MACROH2A1: variants seen among roughly 807,000 people sequenced by gnomAD.
MACROH2A1 encodes core histone macro-H2A.1.
Under a neutral mutation model 31.6 loss-of-function variants are expected in MACROH2A1, and 2 were observed. That is an observed-to-expected ratio of 0.06 (90% CI 0.03 to 0.20). The LOEUF (loss-of-function observed/expected upper bound fraction) is 0.20, where lower values mean the gene tolerates loss of function less well. Among genes scored for constraint, MACROH2A1 ranks in the 10% least tolerant of loss-of-function variants. The pLI, the probability that MACROH2A1 is intolerant of heterozygous loss-of-function variation, is 1.00. For missense variants in MACROH2A1, 230 were observed against 474.0 expected, an observed-to-expected ratio of 0.49 and a Z score of 4.78; for synonymous variants, 169 against 189.6, an observed-to-expected ratio of 0.89 and a Z score of 0.89.
chr5:135,338,970 G>C lies in MACROH2A1; in HGVS notation c.954-3829C>G, dbSNP rs914405888. On this transcript the variant is annotated intron_variant, in intron 8 of 8. Transcript: ENST00000511689. ...GTGATGACAATGGTGGTGATGATGA[G>C]GCTGCCAGTACTGCGGCCACCATCA... Among the ~76,000 whole-genome samples, 3 of 152,314 alleles carry C rather than the reference G, an allele frequency of 2.0e-5. No homozygotes were observed. The East Asian group carries it at 5.8e-4, about 29-fold the overall frequency.
At chr5:135,343,794 T>C (rs1760354160) in intron 7 of MACROH2A1, 1 of 276,778 alleles carries the variant, frequency 3.6e-6, no homozygotes, top group Admixed American at 4.8e-5. Flanking sequence ...TCAAAATAAT[T>C]GTTTTGGGTT....
intron 5 of MACROH2A1, chr5:135,358,779 G>C (rs1401674226): frequency 8.2e-5 from 80 of 980,434 alleles, no homozygotes; most frequent in Non-Finnish European, 9.6e-5. Flanking sequence ...ACTCTGAGTA[G>C]GGAACAGTCA....
At chr5:135,399,246 G>C (rs1054927502), upstream of MACROH2A1, 2 of 151,808 alleles carry the variant, frequency 1.3e-5, no homozygotes, top group Admixed American at 1.3e-4. The surrounding 1 kb of genome is among the most constrained non-coding windows in gnomAD (Gnocchi z 4.5). Context: ...AGTCCTCGCG[G>C]CCGGCTTCCC....
Position 135,397,388 on chromosome 5 carries a change from G to A in MACROH2A1, c.-34+1674C>T, listed in dbSNP as rs372756521. Among the ~76,000 whole-genome samples, 4 of 152,174 alleles carry A rather than the reference G, an allele frequency of 2.6e-5. No individual in the cohort carries two copies. In the South Asian group the frequency reaches 8.3e-4, roughly 32 times the overall value. On this transcript the variant is annotated intron_variant, in intron 1 of 8. Transcript: ENST00000511689. ...TGTATACTAGAATGTCACATGTGAA[G>A]TTCCAGACAATTCTTAAAGTTTAAT... is the stretch of plus-strand genomic sequence containing the variant.
intron 1 of MACROH2A1, among the ~76,000 whole-genome samples, chr5:135,390,402 T>C (rs900126069): frequency 1.3e-5 from 2 of 152,250 alleles, no homozygotes; most frequent in Non-Finnish European, 2.9e-5. Context: ...TGTTCATTTA[T>C]GCATTCACTT....
chr5:135,335,014 T>C lies in MACROH2A1; in HGVS notation c.1081A>G (p.Ile361Val), dbSNP rs145467058. ...FVLFDSESIG[I>V]YVQEMAKLDA... ...AGCTTGGCCATTTCCTGCACATAGATGCCTATACTCTCGCTGTCAAAAAGC... is the reference window on the plus strand; with the variant it reads ...AGCTTGGCCATTTCCTGCACATAGACGCCTATACTCTCGCTGTCAAAAAGC... The change falls in exon 9 of 9, where the codon ATC (isoleucine) becomes GTC (valine). Residue 361 changes from isoleucine (I) to valine (V), a missense_variant. Physicochemically the swap from Ile to Val is conservative, Grantham distance 29. This residue lies in a region of MACROH2A1 where 183 missense variants were observed against 319.3 expected (regional missense o/e 0.57). Coordinates refer to ENST00000511689, the MANE Select transcript of MACROH2A1 (RefSeq NM_138610.3). 1.2e-6 allele frequency: 2 copies of C among 1,614,096 alleles called. No homozygotes were observed. Among genetic ancestry groups the C allele is most frequent in the East Asian group, 2.2e-5 (1 of 44,886 alleles).
intron 1 of MACROH2A1, among the ~76,000 whole-genome samples, chr5:135,396,857 C>A (rs1429475121): frequency 6.6e-6 from 1 of 152,070 alleles, no homozygotes; most frequent in African/African-American, 2.4e-5. Context: ...TTGGTCCAAG[C>A]AAACAAGCTA....
chr5:135,343,299 T>C lies in MACROH2A1; in HGVS notation c.914A>G (p.Lys305Arg). 1 of 1,614,238 alleles carries C rather than the reference T, an allele frequency of 6.2e-7. No individual in the cohort carries two copies. Among genetic ancestry groups the C allele is most frequent in the Non-Finnish European group, 8.5e-7 (1 of 1,180,040 alleles). The change falls in exon 8 of 9, where the codon AAG becomes AGG. Residue 305 changes from lysine to arginine, a missense_variant. By Grantham distance (26) the Lys-to-Arg change is conservative (BLOSUM62 2). This residue lies in a region of MACROH2A1 where 183 missense variants were observed against 319.3 expected (regional missense o/e 0.57). Coordinates refer to ENST00000511689, the MANE Select transcript of MACROH2A1 (RefSeq NM_138610.3). ...KNCLALADDK[K>R]LKSIAFPSIG... ...GGATGGAAATGCAATGGATTTCAGC[T>C]TCTTATCATCAGCCAGGGCCAAGCA...
chr5:135,371,056 T>A (rs1764114996), intron 2 of MACROH2A1, among the ~76,000 whole-genome samples: 1 of 152,352 alleles, frequency 6.6e-6, no homozygotes, highest in African/African-American at 2.4e-5. Context: ...AATCTAGGTA[T>A]ATGATTATAA....
At chr5:135,343,164 G>C (rs769419708) in intron 8 of MACROH2A1, 96 bp downstream of exon 8, 1 of 1,597,114 alleles carries the variant, frequency 6.3e-7, no homozygotes, top group Non-Finnish European at 8.5e-7. Context: ...GGCAGCCTCC[G>C]TGGGCCTTGC....
intron 4 of MACROH2A1, among the ~76,000 whole-genome samples, chr5:135,363,292 C>T (rs955951537): frequency 1.3e-5 from 2 of 152,176 alleles, no homozygotes; most frequent in African/African-American, 4.8e-5. Flanking sequence ...AGAGACAAGC[C>T]ATCACTGCCT....
intron 2 of MACROH2A1, among the ~76,000 whole-genome samples, chr5:135,387,572 G>C (rs763955235): frequency 6.6e-6 from 1 of 152,118 alleles, no homozygotes; most frequent in Non-Finnish European, 1.5e-5. Flanking sequence ...ACTCTTTCCT[G>C]ATCAGACCCA....
Position 135,334,938 on chromosome 5 carries a change from TG to T in MACROH2A1, c.*37del. ...TTTTTTTTTTCTTTTAAACTGAAGG[TG>T]GGGTACATGGTGCAGCTGGTTCTGT... On this transcript the variant is annotated 3_prime_UTR_variant, in exon 9 of 9. Coordinates refer to ENST00000511689, the MANE Select transcript of MACROH2A1 (RefSeq NM_138610.3). The T allele has an allele frequency of 6.4e-7, 1 of 1,554,228 alleles. No homozygotes were observed. The highest frequency in any genetic ancestry group is 8.8e-7 in the Non-Finnish European group (1 of 1,136,934).
intron 6 of MACROH2A1, among the ~76,000 whole-genome samples, chr5:135,349,316 A>C (rs1761231029): frequency 6.6e-6 from 1 of 152,042 alleles, no homozygotes; most frequent in Non-Finnish European, 1.5e-5. Context: ...CTTTCTATCA[A>C]ATTTTCATTT....
chr5:135,360,770 G>A (rs1002478551), intron 4 of MACROH2A1, 163 bp from the exon 5 acceptor site: 53 of 701,644 alleles, frequency 7.6e-5, no homozygotes, highest in Admixed American at 3.2e-4. Context: ...TCATTTTGAG[G>A]TACAAGAGTT....
chr5:135,350,997 G>C, intron 6 of MACROH2A1: 2 of 909,644 alleles, frequency 2.2e-6, no homozygotes, highest in Non-Finnish European at 3.5e-6. Context: ...CAATGGCAGG[G>C]CTGGCCTACC....
chr5:135,362,946 A>G (rs1763021907), intron 4 of MACROH2A1: 1 of 152,260 alleles, frequency 6.6e-6, no homozygotes, highest in South Asian at 2.1e-4. Flanking sequence ...TGTTAAAAAC[A>G]GTCACAGGAC....
chr5:135,344,929 C>T (rs1444783605), intron 7 of MACROH2A1: 3 of 152,226 alleles, frequency 2.0e-5, no homozygotes, highest in Non-Finnish European at 4.4e-5. Flanking sequence ...AGCTGGAACC[C>T]CGATGGGAAA....
At chr5:135,336,656 G>A (rs1758755843) in intron 8 of MACROH2A1, among the ~76,000 whole-genome samples, 1 of 152,102 alleles carries the variant, frequency 6.6e-6, no homozygotes, top group Non-Finnish European at 1.5e-5. Context: ...ACTAACAGGT[G>A]GGCCAGGATG....
Sources: allele counts gnomAD v4.1 joint callset (sites outside exome capture counted in the v4.1 genomes callset), GRCh38; gene constraint gnomAD v4.1.1; regional missense constraint gnomAD v4.1.1; non-coding constraint Gnocchi (gnomAD v3.1); transcripts MANE v1.5; gene names NCBI Gene and HGNC (gene_info 2026-07-23, HGNC 2026-07-21).